Variants in ADGRE2 observed in about 807,000 individuals in gnomAD.
The protein encoded by ADGRE2 is CD97 antigen.
A neutral mutation model predicts 100.8 loss-of-function variants in ADGRE2; 83 were observed. That is an observed-to-expected ratio of 0.82 (90% CI 0.69 to 0.99). The LOEUF (loss-of-function observed/expected upper bound fraction) is 0.99. Ranked by LOEUF, ADGRE2 falls within the 50% of genes least tolerant of loss-of-function variation. The probability of loss-of-function intolerance (pLI) is 0.00; values close to 1 mark genes in which losing one functional copy is unlikely to be tolerated. For synonymous variants in ADGRE2, 355 were observed against 413.0 expected (o/e 0.86, Z 1.70); for missense variants, 814 against 1,035.7 (o/e 0.79, Z 2.94).
At chr19:14,760,877 C>CA (rs564101569) in intron 11 of ADGRE2, among the ~76,000 whole-genome samples, 1 of 152,156 alleles carries the variant, frequency 6.6e-6, no homozygotes, top group Non-Finnish European at 1.5e-5. Flanking sequence ...CTGAAGAGTT[C>CA]ATCTGGATGA....
In ADGRE2 at chr19:14,743,726, C is replaced by T. The variant is rs760596164; in HGVS notation, c.2242G>A (p.Gly748Ser). The T allele has an allele frequency of 3.7e-6, 6 of 1,614,044 alleles. No individual in the cohort carries two copies. The South Asian group carries it at 4.4e-5, about 12-fold the overall frequency. Residue 748 changes from glycine to serine, a missense_variant, in exon 19 of 21, where the codon GGC becomes AGC. Coordinates refer to ENST00000315576, the MANE Select transcript of ADGRE2 (RefSeq NM_013447.4). Reference protein sequence around the residue: ...LFILGCTWCLGILQVGPAARV... With the variant: ...LFILGCTWCLSILQVGPAARV... ...GCAGCCGGACCCACCTGCAAGATGC[C>T]CAGACACCACGTGCAGCCCAGGATG...
rs1207539088 is a variant in ADGRE2 at position 14,735,944 on chromosome 19, T to A, written c.*292A>T. On this transcript the variant is annotated 3_prime_UTR_variant, in exon 21 of 21. Transcript: ENST00000315576. ...TAGGAAGGAGAGGCTGTGAAAGAGG[T>A]CTTAACGTTCTATAGCTTCATAAAT... The A allele has an allele frequency of 7.5e-6, 2 of 268,436 alleles. No homozygotes were observed. Among genetic ancestry groups the A allele is most frequent in the African/African-American group, 2.2e-5 (1 of 45,278 alleles). 16.6% of individuals were successfully genotyped at this position (268,436 alleles called of 1,614,324 possible).
chr19:14,763,013 A>C (rs1405023597), intron 11 of ADGRE2, among the ~76,000 whole-genome samples: 1 of 152,200 alleles, frequency 6.6e-6, no homozygotes, highest in Admixed American at 6.6e-5. Context: ...TCTTAATAAA[A>C]TTAATGCTAT....
intron 11 of ADGRE2, 149 bp downstream of exon 11, chr19:14,764,284 G>A: frequency 1.4e-6 from 1 of 698,764 alleles, no homozygotes; most frequent in Non-Finnish European, 2.5e-6. Flanking sequence ...GTCCAGACTG[G>A]TATGTATTTC....
rs60789454 is a variant in ADGRE2, at chr19:14,759,503, A to ATATATATATATATT, written c.1085-3159_1085-3158insAATATATATATATA. ...ATAAGTTATACATATATATATATAT[A>ATATATATATATATT]TTTTTTTTTTTTAGACGGAGTCTCA... On this transcript the variant is annotated intron_variant, in intron 11 of 20. Transcript: ENST00000315576. Among the ~76,000 whole-genome samples the ATATATATATATATT allele has an allele frequency of 3.5e-4, 47 of 133,370 alleles. No homozygotes were observed. The South Asian group carries it at 4.4e-3, about 13-fold the overall frequency. 87.5% of individuals were successfully genotyped at this position (133,370 alleles called of 152,430 possible).
intron 14 of ADGRE2, among the ~76,000 whole-genome samples, chr19:14,753,511 G>A (rs2043372475): frequency 6.6e-6 from 1 of 152,022 alleles, no homozygotes; most frequent in Non-Finnish European, 1.5e-5. Context: ...AAAGTCAGGT[G>A]GGCGAGGTGT....
intron 8 of ADGRE2, 44 bp from the exon 9 acceptor site, chr19:14,765,614 A>AGT (rs755085904): frequency 1.2e-6 from 2 of 1,614,312 alleles, no homozygotes. Flanking sequence ...GGAGCGTGTC[A>AGT]GTGTGTGTGC....
At chr19:14,738,622 C>T (rs2042829154) in intron 20 of ADGRE2, among the ~76,000 whole-genome samples, 1 of 152,114 alleles carries the variant, frequency 6.6e-6, no homozygotes, top group African/African-American at 2.4e-5. Flanking sequence ...AAGTGATCTG[C>T]CTGCCTCGGC....
At chr19:14,747,011 A>G (rs779645867) in intron 16 of ADGRE2, 49 bp from the exon 17 acceptor site, 2 of 1,487,472 alleles carry the variant, frequency 1.3e-6, no homozygotes, top group South Asian at 1.2e-5. Context: ...GGAGATATGG[A>G]ACAGTTATGT....
chr19:14,736,008 G>A lies in ADGRE2; in HGVS notation c.*228C>T. ...GTGACCAAGATATGGGCCACAGCTG[G>A]CCGTCCATATGCTGAGAGTTTGATG... On this transcript the variant is annotated 3_prime_UTR_variant, in exon 21 of 21. Coordinates refer to ENST00000315576, the MANE Select transcript of ADGRE2 (RefSeq NM_013447.4). 2.1e-6 allele frequency: 1 copy of A among 468,422 alleles called. No homozygotes were observed. The highest frequency in any genetic ancestry group is 4.0e-6 in the Non-Finnish European group (1 of 250,930). 29.0% of individuals were successfully genotyped at this position (468,422 alleles called of 1,614,324 possible). A position where few individuals can be genotyped will look rare whatever the true frequency, so the allele number is the denominator to read the frequency against.
rs775214778 is a variant in ADGRE2 at position 14,770,669 on chromosome 19, CTTTTTTTTTTTT to C, written c.355+1661_355+1672del. On this transcript the variant is annotated intron_variant, in intron 5 of 20. Transcript: ENST00000315576. The stretch of plus-strand genomic sequence containing the variant: ...CTTTTTCTTTTTGTTTCTTTCTTTT[CTTTTTTTTTTTT>C]TTTTTTTTTTTTTTTTGAGACAAAG... 4.7e-5 allele frequency among the ~76,000 whole-genome samples: 4 copies of C among 85,012 alleles called. 1 individual carries two copies. The South Asian group carries it at 2.0e-3, about 42-fold the overall frequency. 55.8% of individuals were successfully genotyped at this position (85,012 alleles called of 152,430 possible). A position where few individuals can be genotyped will look rare whatever the true frequency, so the allele number is the denominator to read the frequency against.
In ADGRE2 at chr19:14,735,057, G is replaced by A. The variant is rs935310851; in HGVS notation, c.*1179C>T. 1 of 152,180 alleles carries A rather than the reference G, an allele frequency of 6.6e-6. No individual in the cohort carries two copies. Among genetic ancestry groups the A allele is most frequent in the South Asian group, 2.1e-4 (1 of 4,834 alleles). The allele number at this position is 152,180 out of a possible 1,614,324, so 9.4% of individuals were successfully genotyped here. A position where few individuals can be genotyped will look rare whatever the true frequency, so the allele number is the denominator to read the frequency against. On this transcript the variant is annotated 3_prime_UTR_variant, in exon 21 of 21. Coordinates refer to ENST00000315576, the MANE Select transcript of ADGRE2 (RefSeq NM_013447.4). ...CTTTTTCCTATTGGCACAGCTGCCG[G>A]CATTCACCCGTGGAAGCTTCCAGCT...
intron 20 of ADGRE2, 116 bp downstream of exon 20, chr19:14,743,304 G>A: frequency 1.2e-6 from 1 of 800,008 alleles, no homozygotes; most frequent in Non-Finnish European, 2.2e-6. Context: ...GGCGTACTCA[G>A]ATGCGAGCCT....
In ADGRE2 at chr19:14,764,593, C is replaced by T. The variant is rs1459290906; in HGVS notation, c.924G>A (p.Leu308=). 9.3e-6 allele frequency: 15 copies of T among 1,612,168 alleles called. 1 individual carries two copies. In the South Asian group the frequency reaches 1.6e-4, roughly 18 times the overall value. The change falls in exon 11 of 21, where the codon CTG becomes CTA. Residue 308 remains leucine, a synonymous_variant. Transcript: ENST00000315576. ...NNTIQSILQA[L]DELLEAPGDL... ...CCCCAGGGGCCTCCAGCAGCTCATC[C>T]AGCGCCTGTAAGATGCTCTGGAGGG...
Position 14,743,467 on chromosome 19 carries a change from G to C in ADGRE2, c.2416C>G (p.His806Asp). 1.9e-6 allele frequency: 3 copies of C among 1,614,108 alleles called. No individual in the cohort carries two copies. The highest frequency in any genetic ancestry group is 2.5e-6 in the Non-Finnish European group (3 of 1,180,020). The change falls in exon 20 of 21, where the codon CAC becomes GAC. Residue 806 changes from histidine to aspartate, a missense_variant. His to Asp is a moderately conservative substitution (Grantham distance 81, BLOSUM62 -1). Coordinates refer to ENST00000315576, the MANE Select transcript of ADGRE2 (RefSeq NM_013447.4). ...GCCTTAGCACTGCTGGAGAGTGTGT[G>C]CATCTCAGACTCAGTTTTCAATTTC... Reference protein sequence around the residue: ...IRKLKTESEMHTLSSSAKADT... With the variant: ...IRKLKTESEMDTLSSSAKADT...
intron 15 of ADGRE2, among the ~76,000 whole-genome samples, chr19:14,751,929 ATATTTTTTTTT>A (rs1307514178): frequency 6.0e-5 from 5 of 83,752 alleles, no homozygotes; most frequent in African/African-American, 1.9e-4. Context: ...ATATATATAT[ATATTTTTTTTT>A]TTTTTTTTTT....
At position 14,754,957 on chromosome 19, in the gene ADGRE2, C is replaced by T; in HGVS notation, c.1587G>A (p.Val529=). ...SFAVLMAHYD[V]QEEDPVLTVI... ...CATCCCCTCCTAAGGGTCTCACCTG[C>T]ACATCGTAGTGGGCCATGAGGACGG... is the stretch of plus-strand genomic sequence containing the variant. Residue 529 remains valine, a synonymous_variant, in exon 14 of 21, where the codon GTG becomes GTA. Transcript: ENST00000315576. The T allele has an allele frequency of 7.4e-6, 12 of 1,613,826 alleles. No homozygotes were observed. The highest frequency in any genetic ancestry group is 9.3e-6 in the Non-Finnish European group (11 of 1,179,990).
chr19:14,751,931 A>ATAT (rs1161742294), intron 15 of ADGRE2, among the ~76,000 whole-genome samples: 7 of 133,756 alleles, frequency 5.2e-5, no homozygotes, highest in South Asian at 2.3e-4. Context: ...ATATATATAT[A>ATAT]TTTTTTTTTT....
At chr19:14,727,445 G>A (rs995089501), downstream of ADGRE2, among the ~76,000 whole-genome samples, 1 of 152,146 alleles carries the variant, frequency 6.6e-6, no homozygotes, top group African/African-American at 2.4e-5. Context: ...AAAGCAAAGC[G>A]GGAGCAGGCA....
Sources: gnomAD v4.1 joint callset for allele counts (sites outside exome capture counted in the v4.1 genomes callset) on GRCh38, gnomAD v4.1.1 for gene constraint, MANE v1.5 for transcripts, NCBI Gene and HGNC (gene_info 2026-07-23, HGNC 2026-07-21) for gene names.